GRXCR1: variants seen among roughly 807,000 people sequenced by gnomAD.
GRXCR1 encodes the protein glutaredoxin and cysteine rich domain containing 1, also known as glutaredoxin domain-containing cysteine-rich protein 1.
GRXCR1 carries 27 observed loss-of-function variants against 27.3 expected under a neutral mutation model. The observed-to-expected ratio is 0.99, with a 90% CI of 0.73 to 1.37. GRXCR1 has a LOEUF of 1.37. Ranked by LOEUF, GRXCR1 falls within the 40% of genes most tolerant of loss-of-function variation. GRXCR1 has a pLI of 0.00. For synonymous variants in GRXCR1, 122 were observed against 131.1 expected, an observed-to-expected ratio of 0.93 and a Z score of 0.47; for missense variants, 379 against 354.4, an observed-to-expected ratio of 1.07 and a Z score of -0.56.
intron 2 of GRXCR1, among the ~76,000 whole-genome samples, chr4:42,994,408 G>T (rs956439307): frequency 6.6e-6 from 1 of 152,108 alleles, no homozygotes; most frequent in African/African-American, 2.4e-5. Flanking sequence ...GCAGATTGGT[G>T]AAAATTGCCA....
intron 2 of GRXCR1, among the ~76,000 whole-genome samples, chr4:42,964,474 G>T (rs1290523307): frequency 6.6e-6 from 1 of 151,980 alleles, no homozygotes; most frequent in African/African-American, 2.4e-5. Context: ...TATCCCATAG[G>T]CTGATTGTGA....
At chr4:42,980,198 T>C (rs1577929783) in intron 2 of GRXCR1, among the ~76,000 whole-genome samples, 1 of 152,122 alleles carries the variant, frequency 6.6e-6, no homozygotes. Context: ...GTTTAGTTTG[T>C]TCTTGTACAT....
In GRXCR1 at chr4:43,007,804, C is replaced by A. The variant is rs548675711; in HGVS notation, c.628-12550C>A. Among the ~76,000 whole-genome samples, 49 of 152,294 alleles carry A rather than the reference C, an allele frequency of 3.2e-4. No homozygotes were observed. The South Asian group carries it at 1.0e-2, about 31-fold the overall frequency. On this transcript the variant is annotated intron_variant, in intron 2 of 3. Coordinates refer to ENST00000399770, the MANE Select transcript of GRXCR1 (RefSeq NM_001080476.3). ...TTTAGCTTAAAAGTCCAAATCATTT[C>A]CATGTGAGAGTTTTTGCTTTGGATC...
At chr4:42,898,458 G>A (rs998841737) in intron 1 of GRXCR1, among the ~76,000 whole-genome samples, 1 of 151,918 alleles carries the variant, frequency 6.6e-6, no homozygotes, top group Non-Finnish European at 1.5e-5. Context: ...GATGGGTAGT[G>A]TTAACACACC....
intron 2 of GRXCR1, among the ~76,000 whole-genome samples, chr4:42,991,556 A>G (rs13110717): frequency 0.048 from 7,248 of 152,080 alleles, 219 homozygotes; most frequent in African/African-American, 0.08. Flanking sequence ...GAGAGAGAGC[A>G]TGTGAGGTAG....
intron 1 of GRXCR1, among the ~76,000 whole-genome samples, chr4:42,934,240 T>TTATATATATA (rs3072842): frequency 5.5e-5 from 8 of 146,450 alleles, no homozygotes; most frequent in Admixed American, 2.8e-4. Flanking sequence ...TGATGTGATA[T>TTATATATATA]TATATATATA....
chr4:42,985,910 A>C (rs548646510), intron 2 of GRXCR1, among the ~76,000 whole-genome samples: 1 of 152,190 alleles, frequency 6.6e-6, no homozygotes, highest in African/African-American at 2.4e-5. Flanking sequence ...GGGAAAATGC[A>C]TATATTTTCT....
Position 42,892,753 on chromosome 4 carries a change from C to A in GRXCR1, c.-514C>A. 1 of 165,786 alleles carries A rather than the reference C, an allele frequency of 6.0e-6. No homozygotes were observed. The highest frequency in any genetic ancestry group is 1.6e-4 in the South Asian group (1 of 6,228). The allele number at this position is 165,786 out of a possible 1,614,324, so 10.3% of individuals were successfully genotyped here. A position where few individuals can be genotyped will look rare whatever the true frequency, so the allele number is the denominator to read the frequency against. On this transcript the variant is annotated 5_prime_UTR_variant, in exon 1 of 4. Transcript: ENST00000399770. ...CTCTATGCAGGCATGCAGCATGCAGCGTGTTCACTGCCCTTTAAAGAATAA... is the reference window on the plus strand; with the variant it reads ...CTCTATGCAGGCATGCAGCATGCAGAGTGTTCACTGCCCTTTAAAGAATAA...
At chr4:42,962,867 T>C in intron 1 of GRXCR1, 25 bp from the exon 2 acceptor site, 1 of 1,611,758 alleles carries the variant, frequency 6.2e-7, no homozygotes, top group Non-Finnish European at 8.5e-7. Flanking sequence ...GCAAACATTC[T>C]TACAACTCAA....
intron 1 of GRXCR1, among the ~76,000 whole-genome samples, chr4:42,906,069 T>G (rs776171308): frequency 8.6e-5 from 13 of 151,632 alleles, no homozygotes; most frequent in Non-Finnish European, 1.3e-4. Flanking sequence ...AGGATTTTAA[T>G]CTTTCTATTT....
chr4:42,974,493 G>A (rs1560671002), intron 2 of GRXCR1, among the ~76,000 whole-genome samples: 1 of 152,106 alleles, frequency 6.6e-6, no homozygotes, highest in East Asian at 1.9e-4. Context: ...GATGAGCAAG[G>A]TCAGAGAGCA....
intron 1 of GRXCR1, among the ~76,000 whole-genome samples, chr4:42,915,736 C>T (rs889006850): frequency 2.0e-5 from 3 of 152,102 alleles, no homozygotes; most frequent in African/African-American, 7.2e-5. Context: ...CCATTTCAAG[C>T]AGTGATTCTG....
At chr4:42,960,546 A>G (rs1000967552) in intron 1 of GRXCR1, among the ~76,000 whole-genome samples, 7 of 151,728 alleles carry the variant, frequency 4.6e-5, no homozygotes, top group African/African-American at 1.7e-4. Context: ...ACTGACTTAT[A>G]TTTGTTTTTT....
chr4:42,965,436 C>G (rs1156469911), intron 2 of GRXCR1, among the ~76,000 whole-genome samples: 1 of 151,970 alleles, frequency 6.6e-6, no homozygotes, highest in Non-Finnish European at 1.5e-5. Context: ...ATTAAAATAG[C>G]CTGTTTATTT....
At chr4:42,928,119 A>G (rs904951093) in intron 1 of GRXCR1, among the ~76,000 whole-genome samples, 1 of 151,908 alleles carries the variant, frequency 6.6e-6, no homozygotes, top group African/African-American at 2.4e-5. Flanking sequence ...GAGCAAGCCG[A>G]TGGGTAGAGA....
chr4:42,962,199 C>T (rs1003656562), intron 1 of GRXCR1, among the ~76,000 whole-genome samples: 42 of 151,930 alleles, frequency 2.8e-4, no homozygotes, highest in African/African-American at 9.2e-4. Context: ...CTTGCCTCCC[C>T]TCCAGTGTGT....
chr4:42,946,747 CCT>C (rs1747753763), intron 1 of GRXCR1, among the ~76,000 whole-genome samples: 4 of 152,094 alleles, frequency 2.6e-5, no homozygotes, highest in Admixed American at 2.6e-4. Flanking sequence ...GCCTTCATGA[CCT>C]AATCACCTCT....
chr4:42,984,107 A>T (rs1381338836), intron 2 of GRXCR1, among the ~76,000 whole-genome samples: 1 of 152,162 alleles, frequency 6.6e-6, no homozygotes, highest in Non-Finnish European at 1.5e-5. Context: ...AAGTGCTGGG[A>T]TTACAGGCAT....
At chr4:42,919,905 A>C (rs1746970818) in intron 1 of GRXCR1, among the ~76,000 whole-genome samples, 1 of 152,154 alleles carries the variant, frequency 6.6e-6, no homozygotes, top group Non-Finnish European at 1.5e-5. Flanking sequence ...CTGATGCATC[A>C]TATAATGTGG....
Sources: allele counts gnomAD v4.1 joint callset (sites outside exome capture counted in the v4.1 genomes callset), GRCh38; gene constraint gnomAD v4.1.1; transcripts MANE v1.5; gene names NCBI Gene and HGNC (gene_info 2026-07-23, HGNC 2026-07-21).